SATB2: variants seen among roughly 807,000 people sequenced by gnomAD.
SATB2 encodes the protein DNA-binding protein SATB2.
Under a neutral mutation model 73.4 loss-of-function variants are expected in SATB2, and 1 was observed. The observed-to-expected ratio is 0.01, with a 90% CI of 0.00 to 0.06. SATB2 has a LOEUF of 0.06. SATB2 is among the 10% of genes least tolerant of loss of function. SATB2 has a pLI of 1.00. For synonymous variants in SATB2, 397 were observed against 367.0 expected (o/e 1.08, Z -0.93); for missense variants, 459 against 945.8 (o/e 0.49, Z 6.75).
intron 9 of SATB2, among the ~76,000 whole-genome samples, chr2:199,317,136 G>C (rs772833772): frequency 6.6e-6 from 1 of 151,950 alleles, no homozygotes; most frequent in Non-Finnish European, 1.5e-5. Context: ...TAAAGATCAG[G>C]GTGGGACTAG....
intron 6 of SATB2, among the ~76,000 whole-genome samples, chr2:199,350,411 G>A (rs1267124474): frequency 6.6e-6 from 1 of 152,042 alleles, no homozygotes; most frequent in Non-Finnish European, 1.5e-5. Flanking sequence ...ACAACTGGGT[G>A]AGATGACTGA....
chr2:199,319,831 G>T (rs1687836208), intron 9 of SATB2, among the ~76,000 whole-genome samples: 1 of 151,976 alleles, frequency 6.6e-6, no homozygotes. Flanking sequence ...CCATAAAAGG[G>T]AGAAGATAGC....
chr2:199,442,289 G>A (rs1691840964), intron 2 of SATB2, among the ~76,000 whole-genome samples: 1 of 152,164 alleles, frequency 6.6e-6, no homozygotes, highest in Admixed American at 6.5e-5. Flanking sequence ...CCACATAAGT[G>A]GATTCAGGAG....
intron 3 of SATB2, among the ~76,000 whole-genome samples, chr2:199,385,096 A>T (rs991011282): frequency 6.6e-6 from 1 of 151,756 alleles, no homozygotes; most frequent in African/African-American, 2.4e-5. Flanking sequence ...CTTTCCTTTG[A>T]CCTGTAAGTA....
intron 10 of SATB2, among the ~76,000 whole-genome samples, chr2:199,300,485 T>A (rs1464086511): frequency 6.6e-6 from 1 of 151,974 alleles, no homozygotes; most frequent in East Asian, 1.9e-4. Context: ...TACTTTGCTA[T>A]CCCAAAACTT....
Position 199,271,560 on chromosome 2 carries a change from TAA to T in SATB2, c.*649_*650del, listed in dbSNP as rs35758003. 1.9e-3 allele frequency: 269 copies of T among 145,374 alleles called. 2 individuals are homozygous for T. The highest frequency in any genetic ancestry group is 3.6e-3 in the Middle Eastern group (1 of 280). 9.0% of individuals were successfully genotyped at this position (145,374 alleles called of 1,614,324 possible). A position where few individuals can be genotyped will look rare whatever the true frequency, so the allele number is the denominator to read the frequency against. ...GCTGCCAGATAGGAAGCCATAGAAT[TAA>T]AAAAAAAAAATCAGGGACAAACACA... is the stretch of plus-strand genomic sequence containing the variant. On this transcript the variant is annotated 3_prime_UTR_variant, in exon 11 of 11. Transcript: ENST00000417098.
intron 9 of SATB2, among the ~76,000 whole-genome samples, chr2:199,320,664 C>T (rs1447731480): frequency 6.6e-6 from 1 of 152,078 alleles, no homozygotes; most frequent in Non-Finnish European, 1.5e-5. Flanking sequence ...ACCAGTTTGC[C>T]ACCCTTTCAA....
chr2:199,360,035 T>C (rs1290608553), intron 6 of SATB2, among the ~76,000 whole-genome samples: 2 of 152,232 alleles, frequency 1.3e-5, no homozygotes, highest in African/African-American at 2.4e-5. Flanking sequence ...ATAGCATTTA[T>C]AGTTAAAGTG....
chr2:199,438,386 T>C (rs1691715115), intron 2 of SATB2, among the ~76,000 whole-genome samples: 1 of 152,242 alleles, frequency 6.6e-6, no homozygotes, highest in Admixed American at 6.5e-5. Flanking sequence ...TTTAGCTGTC[T>C]TTCCTCTGTG....
At chr2:199,280,790 T>C (rs1466330630) in intron 10 of SATB2, among the ~76,000 whole-genome samples, 1 of 152,172 alleles carries the variant, frequency 6.6e-6, no homozygotes, top group South Asian at 2.1e-4. Flanking sequence ...CAAAACTTCA[T>C]TAGCAATTTT....
intron 3 of SATB2, among the ~76,000 whole-genome samples, chr2:199,419,825 T>A (rs1297992923): frequency 6.6e-6 from 1 of 152,198 alleles, no homozygotes; most frequent in African/African-American, 2.4e-5. Context: ...TCAAAGTATT[T>A]CAGATTAAGT....
Position 199,323,839 on chromosome 2 carries a change from T to C in SATB2, c.1506A>G (p.Gln502=). The C allele has an allele frequency of 6.2e-7, 1 of 1,613,582 alleles. No homozygotes were observed. Among genetic ancestry groups the C allele is most frequent in the African/African-American group, 1.3e-5 (1 of 74,996 alleles). Residue 502 remains glutamine, a synonymous_variant, in exon 9 of 11, where the codon CAA becomes CAG. Transcript: ENST00000417098. The part of the protein sequence containing the change: ...QQEMKRAKVS[Q]ALFAKVAANK... ...TTGCAGCCACTTTGGCAAACAGGGC[T>C]TGAGACACCTTGGCCCTTTTCATCT...
chr2:199,405,618 A>T (rs1353240359), intron 3 of SATB2, among the ~76,000 whole-genome samples: 2 of 152,180 alleles, frequency 1.3e-5, no homozygotes, highest in Non-Finnish European at 2.9e-5. Context: ...CTCCACCACT[A>T]TCACTTTTTC....
At chr2:199,418,679 T>C (rs749656685) in intron 3 of SATB2, among the ~76,000 whole-genome samples, 6 of 152,186 alleles carry the variant, frequency 3.9e-5, no homozygotes, top group African/African-American at 7.2e-5. Flanking sequence ...ATAAACACTT[T>C]CAGTCAATGT....
intron 5 of SATB2, among the ~76,000 whole-genome samples, chr2:199,371,738 A>G (rs1050115365): frequency 2.6e-5 from 4 of 152,172 alleles, no homozygotes; most frequent in Non-Finnish European, 1.5e-5. Flanking sequence ...TCTTTTTGAT[A>G]AAGGAATAAG....
At chr2:199,440,736 C>T (rs1240145545) in intron 2 of SATB2, among the ~76,000 whole-genome samples, 1 of 151,940 alleles carries the variant, frequency 6.6e-6, no homozygotes, top group Non-Finnish European at 1.5e-5. Context: ...TAACTCTTAT[C>T]GTAGAGGAAG....
intron 1 of SATB2, chr2:199,470,677 G>GT (rs1449743845): frequency 6.6e-6 from 1 of 152,380 alleles, no homozygotes; most frequent in Non-Finnish European, 1.5e-5. Flanking sequence ...GGCTTCCCAG[G>GT]TAATGCGCTT....
At chr2:199,362,800 A>G (rs961268155) in intron 6 of SATB2, among the ~76,000 whole-genome samples, 1 of 152,156 alleles carries the variant, frequency 6.6e-6, no homozygotes, top group Non-Finnish European at 1.5e-5. Flanking sequence ...GAAAGCAGGA[A>G]CTATGTCTTA....
intron 10 of SATB2, among the ~76,000 whole-genome samples, chr2:199,298,796 A>T (rs993864829): frequency 2.6e-5 from 4 of 152,202 alleles, no homozygotes; most frequent in African/African-American, 9.6e-5. Context: ...CCAGGTGGGG[A>T]AGCCCTTTTC....
Sources: gnomAD v4.1 joint callset for allele counts (sites outside exome capture counted in the v4.1 genomes callset) on GRCh38, gnomAD v4.1.1 for gene constraint, MANE v1.5 for transcripts, NCBI Gene and HGNC (gene_info 2026-07-23, HGNC 2026-07-21) for gene names.